The following TIAM1 variants were observed in gnomAD, a reference collection of about 807,000 sequenced individuals.
TIAM1 encodes the protein TIAM Rac1 associated GEF 1.
Under a neutral mutation model 163.5 loss-of-function variants are expected in TIAM1, and 65 were observed. That is an observed-to-expected ratio of 0.40 (90% confidence interval 0.33 to 0.49). TIAM1 has a LOEUF of 0.49. TIAM1 is among the 20% of genes least tolerant of loss of function. The probability of loss-of-function intolerance (pLI) is 0.77; values close to 1 mark genes in which losing one functional copy is unlikely to be tolerated. For missense variants in TIAM1, 1,789 were observed against 2,044.7 expected, an observed-to-expected ratio of 0.87 and a Z score of 2.41; for synonymous variants, 833 against 810.1, an observed-to-expected ratio of 1.03 and a Z score of -0.48.
intron 20 of TIAM1, among the ~76,000 whole-genome samples, chr21:31,142,341 T>A (rs953969433): frequency 6.0e-4 from 91 of 151,652 alleles, no homozygotes; most frequent in African/African-American, 2.2e-3. Flanking sequence ...AAGCATGCCG[T>A]GCACAGTGGC....
At chr21:31,361,427 G>A (rs975069653) in intron 2 of TIAM1, among the ~76,000 whole-genome samples, 9 of 152,138 alleles carry the variant, frequency 5.9e-5, no homozygotes, top group African/African-American at 2.2e-4. Context: ...GATTGAGGAT[G>A]GGAGGGGAGG....
chr21:31,437,077 G>A (rs1362572360), intron 2 of TIAM1, among the ~76,000 whole-genome samples: 2 of 152,206 alleles, frequency 1.3e-5, no homozygotes, highest in African/African-American at 2.4e-5. Flanking sequence ...AAAAAATTTG[G>A]TAAAATATCA....
chr21:31,210,326 A>C, intron 10 of TIAM1, 111 bp from the exon 11 acceptor site: 3 of 1,163,544 alleles, frequency 2.6e-6, no homozygotes, highest in South Asian at 2.9e-5. Context: ...CCCAGGGCAG[A>C]AGCGGAGGCA....
At chr21:31,440,243 T>C (rs1392862234) in intron 2 of TIAM1, among the ~76,000 whole-genome samples, 1 of 152,176 alleles carries the variant, frequency 6.6e-6, no homozygotes, top group East Asian at 1.9e-4. Flanking sequence ...TGTTAAGAAA[T>C]GAGAAACTCA....
At position 31,449,629 on chromosome 21, in the gene TIAM1, C is replaced by T. The variant is rs538033079; in HGVS notation, c.-369+14354G>A. On this transcript the variant is annotated intron_variant, in intron 2 of 28. Transcript: ENST00000286827. Reference sequence around the variant, plus strand: ...CTGACCTCAGATGATCTGCCCGCCTCGGCCTCCCAAAGTGCTGGCATTACA... The same window carrying T: ...CTGACCTCAGATGATCTGCCCGCCTTGGCCTCCCAAAGTGCTGGCATTACA... 4.6e-5 allele frequency among the ~76,000 whole-genome samples: 7 copies of T among 152,156 alleles called. No homozygotes were observed. The South Asian group carries it at 6.2e-4, about 14-fold the overall frequency.
chr21:31,379,582 G>A (rs915662591), intron 2 of TIAM1, among the ~76,000 whole-genome samples: 6 of 151,626 alleles, frequency 4.0e-5, no homozygotes, highest in Non-Finnish European at 7.4e-5. Flanking sequence ...CACAAGTTTC[G>A]TAGCAGCATT....
At chr21:31,345,369 G>C (rs2076128185), upstream of TIAM1, among the ~76,000 whole-genome samples, 1 of 151,804 alleles carries the variant, frequency 6.6e-6, no homozygotes. Context: ...CAGGGATGCA[G>C]CCTGGAAACA....
At chr21:31,224,551 T>C (rs1451596908) in intron 7 of TIAM1, among the ~76,000 whole-genome samples, 1 of 152,084 alleles carries the variant, frequency 6.6e-6, no homozygotes, top group East Asian at 1.9e-4. Context: ...GAAGACAGAG[T>C]GCCGGGGGCA....
intron 2 of TIAM1, among the ~76,000 whole-genome samples, chr21:31,434,340 C>T (rs1202138468): frequency 6.6e-6 from 1 of 152,090 alleles, no homozygotes; most frequent in Non-Finnish European, 1.5e-5. Context: ...ATGAGCATTA[C>T]GATCTGCCCC....
chr21:31,412,853 A>G (rs1270534313), intron 2 of TIAM1, among the ~76,000 whole-genome samples: 2 of 151,600 alleles, frequency 1.3e-5, no homozygotes, highest in African/African-American at 4.8e-5. Flanking sequence ...GCAGTTCACA[A>G]TAGGGCTCAT....
intron 1 of TIAM1, among the ~76,000 whole-genome samples, chr21:31,497,200 A>G (rs994183950): frequency 2.0e-5 from 3 of 152,294 alleles, no homozygotes; most frequent in Non-Finnish European, 2.9e-5. Context: ...AATACACCCT[A>G]TGTTGTCTGT....
At chr21:31,153,656 A>G (rs936302596) in intron 17 of TIAM1, among the ~76,000 whole-genome samples, 1 of 152,166 alleles carries the variant, frequency 6.6e-6, no homozygotes, top group Non-Finnish European at 1.5e-5. Context: ...TGAAGATCAT[A>G]CCCTCAACTT....
intron 9 of TIAM1, among the ~76,000 whole-genome samples, chr21:31,213,684 A>T (rs1315354239): frequency 6.8e-6 from 1 of 146,892 alleles, no homozygotes; most frequent in Non-Finnish European, 1.5e-5. Context: ...TACGTGTTTG[A>T]CAGTTGGAAA....
rs1569034910 is a variant in TIAM1 at position 31,210,802 on chromosome 21, G to GAAAGAAAGAAAGAAAGAA, written c.2218-588_2218-587insTTCTTTCTTTCTTTCTTT. Among the ~76,000 whole-genome samples the GAAAGAAAGAAAGAAAGAA allele has an allele frequency of 8.3e-5, 12 of 145,028 alleles. 1 individual carries two copies. The highest frequency in any genetic ancestry group is 3.3e-4 in the African/African-American group (12 of 36,516). On this transcript the variant is annotated intron_variant, in intron 10 of 27. Transcript: ENST00000541036. Reference sequence around the variant, plus strand: ...AGAAAGAAAGAAAGAAAGAAAGAAAGAAAGAAAGAAAGGTCACCATTCAGC... The same window carrying GAAAGAAAGAAAGAAAGAA: ...AGAAAGAAAGAAAGAAAGAAAGAAAGAAAGAAAGAAAGAAAGAAAAAGAAAGAAAGGTCACCATTCAGC...
At chr21:31,194,089 GGCACCCCTCTCTCTC>G (rs1472161221) in intron 13 of TIAM1, among the ~76,000 whole-genome samples, 1 of 151,858 alleles carries the variant, frequency 6.6e-6, no homozygotes, top group Non-Finnish European at 1.5e-5. Flanking sequence ...GACCCACTCG[GGCACCCCTCTCTCTC>G]TGCAGGAGAG....
intron 1 of TIAM1, among the ~76,000 whole-genome samples, chr21:31,343,598 C>A (rs1184515903): frequency 1.3e-5 from 2 of 152,174 alleles, no homozygotes; most frequent in Non-Finnish European, 2.9e-5. Flanking sequence ...TCCGACGTCC[C>A]ACTCCAGAAC....
intron 2 of TIAM1, among the ~76,000 whole-genome samples, chr21:31,417,599 A>G (rs957700293): frequency 2.0e-5 from 3 of 152,186 alleles, no homozygotes; most frequent in Non-Finnish European, 4.4e-5. Context: ...GGGAGCTACA[A>G]TTCAAGATGA....
intron 6 of TIAM1, among the ~76,000 whole-genome samples, chr21:31,227,731 C>T (rs1165435397): frequency 6.6e-6 from 1 of 152,156 alleles, no homozygotes; most frequent in Admixed American, 6.5e-5. Flanking sequence ...CTTTGCAGGT[C>T]ATTATCTTAT....
chr21:31,416,967 G>A (rs374595004), intron 2 of TIAM1, among the ~76,000 whole-genome samples: 64 of 152,252 alleles, frequency 4.2e-4, no homozygotes, highest in African/African-American at 1.4e-3. Flanking sequence ...CTGTTTTGAC[G>A]CTGCTGATAA....
Sources: gnomAD v4.1 joint callset for allele counts (sites outside exome capture counted in the v4.1 genomes callset) on GRCh38, gnomAD v4.1.1 for gene constraint, MANE v1.5 for transcripts, NCBI Gene and HGNC (gene_info 2026-07-23, HGNC 2026-07-21) for gene names.